Variants in HSF1 observed in about 807,000 individuals in gnomAD.
The protein encoded by HSF1 is heat shock factor protein 1.
A neutral mutation model predicts 51.7 loss-of-function variants in HSF1; 32 were observed. That is an observed-to-expected ratio of 0.62 (90% confidence interval 0.47 to 0.83). The LOEUF is 0.83. Among genes scored for constraint, HSF1 ranks in the 40% least tolerant of loss-of-function variants. The pLI is 0.00. For synonymous variants in HSF1, 396 were observed against 309.7 expected (o/e 1.28, Z -2.92); for missense variants, 727 against 717.0 (o/e 1.01, Z -0.16).
chr8:144,309,821 C>A lies in HSF1; in HGVS notation c.413C>A (p.Thr138Asn). 3 of 1,613,876 alleles carry A rather than the reference C, an allele frequency of 1.9e-6. No individual in the cohort carries two copies. Among genetic ancestry groups the A allele is most frequent in the Non-Finnish European group, 1.7e-6 (2 of 1,179,910 alleles). Residue 138 changes from threonine to asparagine, a missense_variant, in exon 4 of 13, where the codon ACC becomes AAC. Thr to Asn is a moderately conservative substitution (Grantham distance 65, BLOSUM62 0). Transcript: ENST00000528838. ...EDIKIRQDSV[T>N]KLLTDVQLMK... ...ATAAAGATCCGCCAGGACAGCGTCACCAAGCTGCTGACGGACGTGCAGCTG... is the reference window on the plus strand; with the variant it reads ...ATAAAGATCCGCCAGGACAGCGTCAACAAGCTGCTGACGGACGTGCAGCTG...
chr8:144,309,046 C>CCTCCCGCACCCCT, intron 2 of HSF1, 32 bp downstream of exon 2: 1 of 1,517,592 alleles, frequency 6.6e-7, no homozygotes, highest in Non-Finnish European at 9.2e-7. Context: ...CGCAGGGGTG[C>CCTCCCGCACCCCT]GGGAGGCAGA....
chr8:144,306,203 T>G (rs1375495898), intron 1 of HSF1, among the ~76,000 whole-genome samples: 1 of 152,228 alleles, frequency 6.6e-6, no homozygotes. Context: ...TTTGAAATGA[T>G]TGACTTAAAA....
intron 1 of HSF1, among the ~76,000 whole-genome samples, chr8:144,305,878 A>G (rs1407696990): frequency 6.6e-6 from 1 of 151,564 alleles, no homozygotes; most frequent in Non-Finnish European, 1.5e-5. Flanking sequence ...GATTACAGGC[A>G]TGAGCCACCA....
At position 144,295,627 on chromosome 8, in the gene HSF1, C is replaced by T. The variant is rs574407957; in HGVS notation, c.117+3753C>T. On this transcript the variant is annotated intron_variant, in intron 1 of 12. Coordinates refer to ENST00000528838, the MANE Select transcript of HSF1 (RefSeq NM_005526.4). ...GGAGTGCAGGGCTATGATTGCAGCT[C>T]GCTGCAGCCTCTGCCTCCCAGGCTC... 7.9e-5 allele frequency among the ~76,000 whole-genome samples: 12 copies of T among 152,168 alleles called. 1 individual carries two copies. The East Asian group carries it at 2.3e-3, about 29-fold the overall frequency.
chr8:144,313,996 C>T lies in HSF1; in HGVS notation c.1326C>T (p.Leu442=), dbSNP rs375849065. ...TCTCCACCCCACAGATCCAAGAGCTCCTGTCTCCCCAGGAGCCCCCCAGGC... is the reference window on the plus strand; with the variant it reads ...TCTCCACCCCACAGATCCAAGAGCTTCTGTCTCCCCAGGAGCCCCCCAGGC... The part of the protein sequence containing the change: ...LDSSLASIQE[L]LSPQEPPRPP... Residue 442 remains leucine (L), a synonymous_variant, in exon 12 of 13, where the codon CTC becomes CTT. Coordinates refer to ENST00000528838, the MANE Select transcript of HSF1 (RefSeq NM_005526.4). 5.6e-6 allele frequency: 9 copies of T among 1,611,240 alleles called. No homozygotes were observed. In the African/African-American group the frequency reaches 8.1e-5, roughly 14 times the overall value.
rs1817087411 is a variant in HSF1, at chr8:144,314,444, C to G, written c.*114C>G. The G allele has an allele frequency of 8.1e-6, 7 of 859,124 alleles. No homozygotes were observed. The East Asian group carries it at 1.9e-4, about 23-fold the overall frequency. The allele number at this position is 859,124 out of a possible 1,614,324, so 53.2% of individuals were successfully genotyped here. A position where few individuals can be genotyped will look rare whatever the true frequency, so the allele number is the denominator to read the frequency against. On this transcript the variant is annotated 3_prime_UTR_variant, in exon 13 of 13. Transcript: ENST00000528838. ...CACTGGTGGGTCGGCCGCCATAGCC[C>G]CAGTAGGACAAACGGGCTCGGGTCT...
chr8:144,306,327 C>T, intron 1 of HSF1, among the ~76,000 whole-genome samples: 3 of 139,566 alleles, frequency 2.1e-5, no homozygotes, highest in East Asian at 2.1e-4. Flanking sequence ...CTTCTTGTTT[C>T]TTTGCATATC....
chr8:144,305,933 T>C, intron 1 of HSF1, among the ~76,000 whole-genome samples: 1 of 149,304 alleles, frequency 6.7e-6, no homozygotes, highest in Non-Finnish European at 1.5e-5. Flanking sequence ...GGTTTCTCCA[T>C]GTTGGTCAGG....
rs782194710 is a variant in HSF1 at position 144,313,631 on chromosome 8, G to GCCGCC, written c.1248+21_1248+25dup. The GCCGCC allele has an allele frequency of 5.8e-4, 350 of 602,306 alleles. 8 individuals are homozygous for GCCGCC. In the East Asian group the frequency reaches 6.9e-3, roughly 12 times the overall value. The allele number at this position is 602,306 out of a possible 1,614,324, so 37.3% of individuals were successfully genotyped here. A position where few individuals can be genotyped will look rare whatever the true frequency, so the allele number is the denominator to read the frequency against. On this transcript the variant is annotated intron_variant, in intron 10 of 12. Coordinates refer to ENST00000528838, the MANE Select transcript of HSF1 (RefSeq NM_005526.4). Reference sequence around the variant, plus strand: ...CCCTGCTGGACGTGAGTGGAGCCCCGCCGCCCCGCCTCCCCGCCCCGCCTC... The same window carrying GCCGCC: ...CCCTGCTGGACGTGAGTGGAGCCCCGCCGCCCCGCCCCGCCTCCCCGCCCCGCCTC...
chr8:144,305,723 ATTTTTTTT>A (rs146075122), intron 1 of HSF1, among the ~76,000 whole-genome samples: 8 of 78,492 alleles, frequency 1.0e-4, no homozygotes, highest in Non-Finnish European at 1.7e-4. Flanking sequence ...CCTCTGGTTA[ATTTTTTTT>A]TTTTTTTTTT....
chr8:144,312,859 G>A, intron 9 of HSF1: 1 of 693,496 alleles, frequency 1.4e-6, no homozygotes, highest in Non-Finnish European at 2.5e-6. Context: ...GGGGCTCAGT[G>A]TCGTCATGGC....
At chr8:144,293,774 T>A (rs950642206) in intron 1 of HSF1, among the ~76,000 whole-genome samples, 2 of 151,004 alleles carry the variant, frequency 1.3e-5, no homozygotes, top group African/African-American at 4.9e-5. Context: ...TCCTCAGAAG[T>A]TAAGGGGAAT....
intron 4 of HSF1, 98 bp downstream of exon 4, chr8:144,309,994 C>T: frequency 7.1e-7 from 1 of 1,402,752 alleles, no homozygotes. Flanking sequence ...GGGCCAGGTG[C>T]TCAGCTCCAC....
rs905591989 is a variant in HSF1 at position 144,309,136 on chromosome 8, G to A, written c.226+122G>A. On this transcript the variant is annotated intron_variant, in intron 2 of 12. Coordinates refer to ENST00000528838, the MANE Select transcript of HSF1 (RefSeq NM_005526.4). ...CTGTGCTGGCCAAGGGCATGGCGTG[G>A]GACCCTGCAAGCCTGGGGGCCGGGG... 8.2e-5 allele frequency: 67 copies of A among 820,368 alleles called. No individual in the cohort carries two copies. In the African/African-American group the frequency reaches 9.9e-4, roughly 12 times the overall value. 50.8% of individuals were successfully genotyped at this position (820,368 alleles called of 1,614,324 possible). A position where few individuals can be genotyped will look rare whatever the true frequency, so the allele number is the denominator to read the frequency against.
chr8:144,297,912 A>G lies in HSF1; in HGVS notation c.117+6038A>G, dbSNP rs1434702277. On this transcript the variant is annotated intron_variant, in intron 1 of 12. Coordinates refer to ENST00000528838, the MANE Select transcript of HSF1 (RefSeq NM_005526.4). The surrounding 1 kb of genome is among the most constrained non-coding windows in gnomAD (Gnocchi z 4.6). The stretch of plus-strand genomic sequence containing the variant: ...GACACTTTCTATGTAAGGTGTCCCT[A>G]CAGGCAGGATCTCACACACATTTCA... Among the ~76,000 whole-genome samples the G allele has an allele frequency of 1.3e-5, 2 of 152,204 alleles. No individual in the cohort carries two copies. The highest frequency in any genetic ancestry group is 1.9e-4 in the East Asian group (1 of 5,200).
chr8:144,312,765 T>G, intron 9 of HSF1: 3 of 1,452,138 alleles, frequency 2.1e-6, no homozygotes, highest in Non-Finnish European at 2.8e-6. Flanking sequence ...GCTCGGGCCC[T>G]CCCACACAGC....
rs572810791 is a variant in HSF1, at chr8:144,304,884, A to AC, written c.118-4021dup. Among the ~76,000 whole-genome samples the AC allele has an allele frequency of 7.5e-3, 1,088 of 145,698 alleles. 14 individuals are homozygous for AC. The highest frequency in any genetic ancestry group is 0.025 in the African/African-American group (988 of 39,236). On this transcript the variant is annotated intron_variant, in intron 1 of 12. Coordinates refer to ENST00000528838, the MANE Select transcript of HSF1 (RefSeq NM_005526.4). The stretch of plus-strand genomic sequence containing the variant: ...GAACTCCTGACCTCAAACGATCCAC[A>AC]CACCTCAGCCTCCCAAAGTGTTGGG...
chr8:144,294,228 C>T (rs1048739385), intron 1 of HSF1, among the ~76,000 whole-genome samples: 8 of 152,150 alleles, frequency 5.3e-5, no homozygotes, highest in African/African-American at 1.4e-4. Flanking sequence ...CAGAGCTTTC[C>T]GGCGCTGGCT....
chr8:144,304,722 C>T (rs1483844742), intron 1 of HSF1, among the ~76,000 whole-genome samples: 1 of 152,174 alleles, frequency 6.6e-6, no homozygotes, highest in African/African-American at 2.4e-5. Context: ...TCTGTGCTCA[C>T]TACAACTTCT....
Sources: gnomAD v4.1 joint callset for allele counts (sites outside exome capture counted in the v4.1 genomes callset) on GRCh38, gnomAD v4.1.1 for gene constraint, Gnocchi (gnomAD v3.1) non-coding constraint, MANE v1.5 for transcripts, NCBI Gene and HGNC (gene_info 2026-07-23, HGNC 2026-07-21) for gene names.